The following CDON variants were observed in gnomAD, a reference collection of about 807,000 sequenced individuals.
CDON encodes cell adhesion associated, oncogene regulated, also known as cell adhesion molecule-related/down-regulated by oncogenes.
Under a neutral mutation model 120.9 loss-of-function variants are expected in CDON, and 73 were observed. The ratio of observed to expected loss-of-function variants is 0.60; its 90% CI spans 0.50 to 0.73. The LOEUF is 0.73. Among genes scored for constraint, CDON ranks in the 30% least tolerant of loss-of-function variants. The pLI is 0.00. For missense variants in CDON, 1,470 were observed against 1,587.3 expected, an observed-to-expected ratio of 0.93 and a Z score of 1.26; for synonymous variants, 566 against 573.5, an observed-to-expected ratio of 0.99 and a Z score of 0.19.
intron 5 of CDON, among the ~76,000 whole-genome samples, chr11:126,017,796 G>T (rs562385869): frequency 2.0e-5 from 3 of 151,012 alleles, no homozygotes; most frequent in African/African-American, 7.3e-5. Flanking sequence ...TTTGAACAAA[G>T]GGCAAAATTC....
chr11:125,971,235 T>G (rs1172327732), intron 18 of CDON, among the ~76,000 whole-genome samples: 1 of 151,918 alleles, frequency 6.6e-6, no homozygotes, highest in African/African-American at 2.4e-5. Context: ...CATAAAAAAT[T>G]AGCTGGGTGT....
At chr11:126,051,577 A>G (rs919263894) in intron 1 of CDON, among the ~76,000 whole-genome samples, 6 of 151,756 alleles carry the variant, frequency 4.0e-5, no homozygotes, top group African/African-American at 1.5e-4. Flanking sequence ...TAAAACCCCC[A>G]CTGCACCTGC....
chr11:126,029,115 T>C (rs2134745056), intron 1 of CDON, among the ~76,000 whole-genome samples: 1 of 152,298 alleles, frequency 6.6e-6, no homozygotes, highest in Admixed American at 6.5e-5. Flanking sequence ...CACACTGTGG[T>C]AAGCAAAGTG....
At chr11:125,999,977 T>C (rs766311845) in intron 11 of CDON, among the ~76,000 whole-genome samples, 12 of 152,238 alleles carry the variant, frequency 7.9e-5, no homozygotes. Flanking sequence ...TCTTTTGCTG[T>C]TTCATCTGTC....
chr11:125,961,436 G>A (rs1945640039), intron 19 of CDON, among the ~76,000 whole-genome samples: 1 of 152,170 alleles, frequency 6.6e-6, no homozygotes, highest in Admixed American at 6.5e-5. Flanking sequence ...CTTCCAGCAA[G>A]TCTTCTGCTA....
chr11:125,974,268 C>T (rs1012428882), intron 18 of CDON, among the ~76,000 whole-genome samples: 1 of 151,568 alleles, frequency 6.6e-6, no homozygotes, highest in Non-Finnish European at 1.5e-5. Flanking sequence ...GGAGCAATGC[C>T]TGTTATGCTC....
chr11:126,043,867 G>A (rs1948331866), intron 1 of CDON, among the ~76,000 whole-genome samples: 1 of 151,932 alleles, frequency 6.6e-6, no homozygotes, highest in East Asian at 1.9e-4. Flanking sequence ...GAAATTGACT[G>A]AAAAAAAAGG....
chr11:126,049,964 A>G (rs1348586210), intron 1 of CDON, among the ~76,000 whole-genome samples: 2 of 152,204 alleles, frequency 1.3e-5, no homozygotes, highest in Non-Finnish European at 2.9e-5. Flanking sequence ...GCCAGGATGT[A>G]CCGTTAAAGA....
rs776289358 is a variant in CDON, at chr11:126,021,496, T to C, written c.101A>G (p.Glu34Gly). The change falls in exon 3 of 20, where the codon GAG becomes GGG. Residue 34 changes from glutamate to glycine, a missense_variant. Transcript: ENST00000531738. The stretch of plus-strand genomic sequence containing the variant: ...AAGTTTCTGGACAGCAGAGAGCGGC[T>C]CAGAAGTAAAATAAGGTGCCAAGTC... Reference protein sequence around the residue: ...SSDLAPYFTSEPLSAVQKLGG... With the variant: ...SSDLAPYFTSGPLSAVQKLGG... 3 of 1,613,798 alleles carry C rather than the reference T, an allele frequency of 1.9e-6. No individual in the cohort carries two copies. In the African/African-American group the frequency reaches 4.0e-5, roughly 22 times the overall value.
chr11:125,988,107 T>G (rs35385588), intron 15 of CDON, among the ~76,000 whole-genome samples: 4 of 152,160 alleles, frequency 2.6e-5, no homozygotes, highest in Admixed American at 6.5e-5. Context: ...CCAATTTTGT[T>G]TGGGTGTCTA....
In CDON at chr11:126,004,008, G is replaced by T; in HGVS notation, c.1920C>A (p.Leu640=). 1.2e-6 allele frequency: 2 copies of T among 1,613,898 alleles called. No individual in the cohort carries two copies. Among genetic ancestry groups the T allele is most frequent in the Non-Finnish European group, 1.7e-6 (2 of 1,179,994 alleles). The stretch of plus-strand genomic sequence containing the variant: ...TAGATGGCTCCAGCTCAGCTAAATG[G>T]AGCTCATTTTCACTTCCTGGGACTC... ...TVRVPGSENE[L]HLAELEPSSL... is the part of the protein sequence containing the mutation. The change falls in exon 10 of 20, where the codon CTC becomes CTA. Residue 640 remains leucine, a synonymous_variant. Transcript: ENST00000531738.
intron 11 of CDON, among the ~76,000 whole-genome samples, chr11:126,000,548 AT>A (rs2134563765): frequency 6.6e-6 from 1 of 152,308 alleles, no homozygotes; most frequent in South Asian, 2.1e-4. Context: ...GGCAAGGATT[AT>A]TTTATCTTTG....
chr11:126,014,091 C>T (rs1947387299), intron 7 of CDON, among the ~76,000 whole-genome samples: 1 of 151,982 alleles, frequency 6.6e-6, no homozygotes, highest in Admixed American at 6.6e-5. Flanking sequence ...TCATTATTAA[C>T]TTCTAAATAA....
Position 126,017,207 on chromosome 11 carries a change from C to A in CDON, c.809G>T (p.Arg270Met), listed in dbSNP as rs190436988. The A allele has an allele frequency of 6.2e-7, 1 of 1,614,160 alleles. No individual in the cohort carries two copies. The highest frequency in any genetic ancestry group is 2.2e-5 in the East Asian group (1 of 44,872). The change falls in exon 6 of 20, where the codon AGG becomes ATG. Residue 270 changes from arginine (R) to methionine (M), a missense_variant. Arg to Met is a moderately conservative substitution (Grantham distance 91, BLOSUM62 -1). Coordinates refer to ENST00000531738, the MANE Select transcript of CDON (RefSeq NM_001378964.1). ...QDIAPGSNWR[R>M]LYSHLATDSV... ...ATCAGTGGCAAGATGAGAATACAAC[C>A]TTCTCCAGTTGCTTCCTGGTGCAAT...
intron 15 of CDON, among the ~76,000 whole-genome samples, chr11:125,984,875 A>T (rs2134464236): frequency 6.6e-6 from 1 of 152,266 alleles, no homozygotes; most frequent in African/African-American, 2.4e-5. Context: ...TGACATTCCA[A>T]AACCTCACAC....
intron 18 of CDON, among the ~76,000 whole-genome samples, chr11:125,972,483 A>C (rs1946030358): frequency 6.6e-6 from 1 of 152,114 alleles, no homozygotes; most frequent in Admixed American, 6.6e-5. Context: ...CATGGAACCC[A>C]GTGAGGCAAG....
chr11:125,991,395 C>A (rs1946627516), intron 14 of CDON, among the ~76,000 whole-genome samples: 4 of 152,190 alleles, frequency 2.6e-5, no homozygotes, highest in African/African-American at 9.6e-5. Flanking sequence ...GGCTTTACCT[C>A]AGAGAGAAAC....
chr11:125,992,179 G>T (rs1284574249), intron 14 of CDON, among the ~76,000 whole-genome samples: 9 of 152,048 alleles, frequency 5.9e-5, no homozygotes. Flanking sequence ...CGTCCCCACT[G>T]CCCTAAACCC....
chr11:125,992,987 G>C (rs977459346), intron 14 of CDON, among the ~76,000 whole-genome samples: 1 of 152,190 alleles, frequency 6.6e-6, no homozygotes, highest in Non-Finnish European at 1.5e-5. Flanking sequence ...CTTCAATTGA[G>C]CACTTCCAAC....
Sources: allele counts gnomAD v4.1 joint callset (sites outside exome capture counted in the v4.1 genomes callset), GRCh38; gene constraint gnomAD v4.1.1; transcripts MANE v1.5; gene names NCBI Gene and HGNC (gene_info 2026-07-23, HGNC 2026-07-21).